The following SPPL3 variants were observed in gnomAD, a reference collection of about 807,000 sequenced individuals.
SPPL3 encodes the protein signal peptide peptidase like 3.
A neutral mutation model predicts 42.4 loss-of-function variants in SPPL3; 5 were observed. The ratio of observed to expected loss-of-function variants is 0.12; its 90% CI spans 0.06 to 0.25. SPPL3 has a LOEUF of 0.25. Among genes scored for constraint, SPPL3 ranks in the 10% least tolerant of loss-of-function variants. SPPL3 has a pLI of 1.00. For missense variants in SPPL3, 235 were observed against 489.0 expected (o/e 0.48, Z 4.90); for synonymous variants, 195 against 181.8 (o/e 1.07, Z -0.58).
rs1874056728 is a variant in SPPL3, at chr12:120,903,700, T to C, written c.23+145A>G. 7.2e-6 allele frequency: 5 copies of C among 690,808 alleles called. No individual in the cohort carries two copies. In the South Asian group the frequency reaches 1.0e-4, roughly 14 times the overall value. The allele number at this position is 690,808 out of a possible 1,614,324, so 42.8% of individuals were successfully genotyped here. On this transcript the variant is annotated intron_variant, in intron 1 of 10. Coordinates refer to ENST00000353487, the MANE Select transcript of SPPL3 (RefSeq NM_139015.5). ...CGTGCGCGCCAGCCGCCCCCTCCGG[T>C]GGGGAAGAGGGGGGCGTGCACCCCA...
chr12:120,833,156 T>C (rs1871485028), intron 1 of SPPL3, among the ~76,000 whole-genome samples: 1 of 152,148 alleles, frequency 6.6e-6, no homozygotes, highest in Non-Finnish European at 1.5e-5. Context: ...GAAGAATAAG[T>C]AGGATCTGAA....
intron 6 of SPPL3, among the ~76,000 whole-genome samples, chr12:120,776,697 C>T (rs1869333912): frequency 6.6e-6 from 1 of 152,022 alleles, no homozygotes; most frequent in South Asian, 2.1e-4. Context: ...AGAAACAGCT[C>T]ATCTTTTTTG....
At chr12:120,874,791 GGTA>G (rs1873034252) in intron 1 of SPPL3, among the ~76,000 whole-genome samples, 1 of 151,968 alleles carries the variant, frequency 6.6e-6, no homozygotes, top group Non-Finnish European at 1.5e-5. Context: ...GTGCTGGTGG[GGTA>G]GGAGGTGGTT....
intron 1 of SPPL3, among the ~76,000 whole-genome samples, chr12:120,886,713 T>C (rs1251056079): frequency 1.3e-5 from 2 of 152,108 alleles, no homozygotes; most frequent in African/African-American, 2.4e-5. Flanking sequence ...GCAGTAACAA[T>C]ATAAAACTAA....
At chr12:120,768,026 T>C (rs1868974294) in intron 8 of SPPL3, among the ~76,000 whole-genome samples, 1 of 152,250 alleles carries the variant, frequency 6.6e-6, no homozygotes, top group African/African-American at 2.4e-5. Flanking sequence ...TTTTTATAAA[T>C]ATCTTACAAG....
chr12:120,768,768 C>G, intron 7 of SPPL3, 185 bp downstream of exon 7: 1 of 640,644 alleles, frequency 1.6e-6, no homozygotes, highest in Non-Finnish European at 2.7e-6. Context: ...ACACTACCTA[C>G]TGTACGACTT....
intron 1 of SPPL3, among the ~76,000 whole-genome samples, chr12:120,898,298 T>TTG (rs1566073366): frequency 1.3e-5 from 1 of 75,338 alleles, no homozygotes; most frequent in East Asian, 3.1e-4. Context: ...AAGACTCTGT[T>TTG]TTTTTTTTTT....
intron 1 of SPPL3, among the ~76,000 whole-genome samples, chr12:120,888,813 A>G (rs930057843): frequency 8.5e-5 from 13 of 152,120 alleles, no homozygotes; most frequent in African/African-American, 1.4e-4. Flanking sequence ...ATTATATCTT[A>G]TATTTTATTT....
At chr12:120,845,684 G>T in intron 1 of SPPL3, 1 of 314,836 alleles carries the variant, frequency 3.2e-6, no homozygotes, top group South Asian at 4.5e-5. Context: ...GAAGGACGCT[G>T]GGAAGGGTAC....
At chr12:120,889,594 G>A (rs1055580778) in intron 1 of SPPL3, among the ~76,000 whole-genome samples, 30 of 152,224 alleles carry the variant, frequency 2.0e-4, no homozygotes, top group Non-Finnish European at 4.4e-5. Flanking sequence ...TTGAAGCGGA[G>A]TCATCTCAAT....
chr12:120,800,013 G>A (rs971056434), intron 2 of SPPL3, among the ~76,000 whole-genome samples: 1 of 152,166 alleles, frequency 6.6e-6, no homozygotes, highest in African/African-American at 2.4e-5. Flanking sequence ...TAAGTGCATA[G>A]ACATCAGATT....
chr12:120,903,657 C>CG (rs967167210), intron 1 of SPPL3, among the ~76,000 whole-genome samples, 188 bp downstream of exon 1: 3 of 152,158 alleles, frequency 2.0e-5, no homozygotes, highest in Non-Finnish European at 2.9e-5. Context: ...GCCAGGTCCC[C>CG]GGCCACTCAC....
At chr12:120,817,945 C>A (rs1476102158) in intron 1 of SPPL3, among the ~76,000 whole-genome samples, 1 of 152,046 alleles carries the variant, frequency 6.6e-6, no homozygotes, top group East Asian at 1.9e-4. Flanking sequence ...TGGGGTAAGA[C>A]TACGATCAAT....
intron 1 of SPPL3, among the ~76,000 whole-genome samples, chr12:120,885,290 T>TA (rs1278348706): frequency 2.0e-5 from 3 of 152,328 alleles, no homozygotes; most frequent in Non-Finnish European, 2.9e-5. Flanking sequence ...TAGTACCACT[T>TA]ACGGTGTTCT....
rs181107577 is a variant in SPPL3 at position 120,834,874 on chromosome 12, A to G, written c.24-23988T>C. Among the ~76,000 whole-genome samples the G allele has an allele frequency of 2.0e-5, 3 of 152,366 alleles. No individual in the cohort carries two copies. The East Asian group carries it at 5.8e-4, about 29-fold the overall frequency. ...TTAAATCATCACATGGAATCTGATA[A>G]CATCTTATAAAAACTAACCCTCCAA... On this transcript the variant is annotated intron_variant, in intron 1 of 10. Transcript: ENST00000353487.
rs369012055 is a variant in SPPL3 at position 120,769,096 on chromosome 12, T to C, written c.503-37A>G. On this transcript the variant is annotated intron_variant, in intron 6 of 10. Coordinates refer to ENST00000353487, the MANE Select transcript of SPPL3 (RefSeq NM_139015.5). ...ACAGGGTACAGCAGACAGCAGTCAG[T>C]GTGGACTCCAGGCTCATCCTCTTTC... 2.9e-5 allele frequency: 44 copies of C among 1,511,588 alleles called. No individual in the cohort carries two copies. In the African/African-American group the frequency reaches 4.6e-4, roughly 16 times the overall value. 93.6% of individuals were successfully genotyped at this position (1,511,588 alleles called of 1,614,324 possible). A position where few individuals can be genotyped will look rare whatever the true frequency, so the allele number is the denominator to read the frequency against.
Position 120,768,372 on chromosome 12 carries a change from C to T in SPPL3, c.726G>A (p.Gly242=), listed in dbSNP as rs992644463. 1 of 1,614,048 alleles carries T rather than the reference C, an allele frequency of 6.2e-7. No homozygotes were observed. The highest frequency in any genetic ancestry group is 1.3e-5 in the African/African-American group (1 of 74,934). Residue 242 remains glycine (G), a synonymous_variant, in exon 8 of 11, where the codon GGG becomes GGA. Transcript: ENST00000353487. Reference sequence around the variant, plus strand: ...GCAGAGACAGGCGAGGAACATCACGCCCAACATTGGGCCCCAGGTGGAGCT... The same window carrying T: ...GCAGAGACAGGCGAGGAACATCACGTCCAACATTGGGCCCCAGGTGGAGCT... The part of the protein sequence containing the change: ...SRKLHLGPNV[G]RDVPRLSLPG...
intron 6 of SPPL3, among the ~76,000 whole-genome samples, chr12:120,778,723 T>C (rs1248955632): frequency 6.6e-6 from 1 of 152,242 alleles, no homozygotes; most frequent in African/African-American, 2.4e-5. Context: ...CAGTTTCTTA[T>C]GACATTTTAC....
At chr12:120,820,748 T>G (rs1871040578) in intron 1 of SPPL3, among the ~76,000 whole-genome samples, 1 of 152,140 alleles carries the variant, frequency 6.6e-6, no homozygotes, top group Admixed American at 6.5e-5. Context: ...AAATAAAAAT[T>G]TAATACATTA....
Sources: gnomAD v4.1 joint callset for allele counts (sites outside exome capture counted in the v4.1 genomes callset) on GRCh38, gnomAD v4.1.1 for gene constraint, MANE v1.5 for transcripts, NCBI Gene and HGNC (gene_info 2026-07-23, HGNC 2026-07-21) for gene names.